Variants in AGMO observed in about 807,000 individuals in gnomAD.
AGMO encodes the protein alkylglycerol monooxygenase, also known as glyceryl-ether monooxygenase.
Under a neutral mutation model 60.2 loss-of-function variants are expected in AGMO, and 75 were observed. The ratio of observed to expected loss-of-function variants is 1.25; its 90% CI spans 1.03 to 1.51. The LOEUF (loss-of-function observed/expected upper bound fraction) is 1.51. Among genes scored for constraint, AGMO ranks in the 40% most tolerant of loss-of-function variants. The probability of loss-of-function intolerance (pLI) is 0.00; values close to 1 mark genes in which losing one functional copy is unlikely to be tolerated. For synonymous variants in AGMO, 261 were observed against 177.1 expected (o/e 1.47, Z -3.76); for missense variants, 763 against 525.5 (o/e 1.45, Z -4.42).
chr7:15,549,393 C>A (rs1448016627), intron 2 of AGMO, among the ~76,000 whole-genome samples: 1 of 152,048 alleles, frequency 6.6e-6, no homozygotes, highest in East Asian at 1.9e-4. Flanking sequence ...AGAGTGAAGA[C>A]CCATCAGTGC....
intron 12 of AGMO, among the ~76,000 whole-genome samples, chr7:15,321,864 C>T (rs1347397849): frequency 1.3e-5 from 2 of 152,102 alleles, no homozygotes; most frequent in East Asian, 3.9e-4. Context: ...ACCTCCATAC[C>T]AGACTCACTC....
chr7:15,400,341 G>A lies in AGMO; in HGVS notation c.610-6162C>T, dbSNP rs943413355. ...GTCATAACTGGGAAAAGTGCTACTGGCATCTAGTGAGCAGTGGTGGGTTTA... is the reference window on the plus strand; with the variant it reads ...GTCATAACTGGGAAAAGTGCTACTGACATCTAGTGAGCAGTGGTGGGTTTA... On this transcript the variant is annotated intron_variant, in intron 5 of 12. Transcript: ENST00000342526. 2.0e-5 allele frequency among the ~76,000 whole-genome samples: 3 copies of A among 152,112 alleles called. No individual in the cohort carries two copies. The South Asian group carries it at 6.2e-4, about 32-fold the overall frequency.
chr7:15,396,571 T>G (rs1447282771), intron 5 of AGMO: 1 of 152,262 alleles, frequency 6.6e-6, no homozygotes. Context: ...GGACAACAGC[T>G]TGCCGCTCCT....
At chr7:15,464,407 T>C (rs1189707238) in intron 3 of AGMO, among the ~76,000 whole-genome samples, 1 of 152,224 alleles carries the variant, frequency 6.6e-6, no homozygotes, top group Non-Finnish European at 1.5e-5. Flanking sequence ...ATCTCCAGCA[T>C]GCTGCATGTG....
At chr7:15,473,125 C>A (rs551948660) in intron 3 of AGMO, among the ~76,000 whole-genome samples, 3 of 151,792 alleles carry the variant, frequency 2.0e-5, no homozygotes, top group Non-Finnish European at 4.4e-5. Context: ...AACACTTCTA[C>A]GCAAATAAAC....
chr7:15,415,292 C>T (rs1161504803), intron 5 of AGMO, among the ~76,000 whole-genome samples: 1 of 151,842 alleles, frequency 6.6e-6, no homozygotes, highest in Non-Finnish European at 1.5e-5. Flanking sequence ...CTCCTGTAAT[C>T]CCAGCACTTT....
At chr7:15,430,959 A>G in intron 4 of AGMO, 46 bp downstream of exon 4, 1 of 1,090,686 alleles carries the variant, frequency 9.2e-7, no homozygotes, top group East Asian at 2.7e-5. Context: ...GCTGAGACTT[A>G]AAAACAAATT....
intron 12 of AGMO, among the ~76,000 whole-genome samples, chr7:15,210,420 G>A (rs1055103381): frequency 6.6e-5 from 10 of 152,098 alleles, no homozygotes; most frequent in Non-Finnish European, 1.2e-4. Flanking sequence ...CAGATGGACA[G>A]AATTTCCTGG....
Position 15,561,921 on chromosome 7 carries a change from C to A in AGMO, c.-76G>T. Reference sequence around the variant, plus strand: ...GAAGCCTGAGGCTGAACAAAGAGGACGAGATGTGCAGCTCAGAACAAGCTC... The same window carrying A: ...GAAGCCTGAGGCTGAACAAAGAGGAAGAGATGTGCAGCTCAGAACAAGCTC... On this transcript the variant is annotated 5_prime_UTR_variant, in exon 1 of 13. Coordinates refer to ENST00000342526, the MANE Select transcript of AGMO (RefSeq NM_001004320.2). The A allele has an allele frequency of 5.5e-6, 8 of 1,465,446 alleles. No homozygotes were observed. The highest frequency in any genetic ancestry group is 6.4e-6 in the Non-Finnish European group (7 of 1,087,128). 90.8% of individuals were successfully genotyped at this position (1,465,446 alleles called of 1,614,324 possible). A position where few individuals can be genotyped will look rare whatever the true frequency, so the allele number is the denominator to read the frequency against.
In AGMO at chr7:15,321,276, G is replaced by A. The variant is rs187367215; in HGVS notation, c.1263+44238C>T. Among the ~76,000 whole-genome samples, 4 of 152,186 alleles carry A rather than the reference G, an allele frequency of 2.6e-5. No individual in the cohort carries two copies. The East Asian group carries it at 5.8e-4, about 22-fold the overall frequency. ...ATATAGATAGATTGTTGGACAAAGA[G>A]GGGCTGCCACAAACCCCAAACGGAT... On this transcript the variant is annotated intron_variant, in intron 12 of 12. Coordinates refer to ENST00000342526, the MANE Select transcript of AGMO (RefSeq NM_001004320.2).
chr7:15,434,841 C>A lies in AGMO; in HGVS notation c.410-3733G>T, dbSNP rs1781354362. Among the ~76,000 whole-genome samples the A allele has an allele frequency of 2.6e-5, 4 of 151,968 alleles. No individual in the cohort carries two copies. In the South Asian group the frequency reaches 8.3e-4, roughly 32 times the overall value. Reference sequence around the variant, plus strand: ...ACAAGCAATAGATAATTAATGCAGTCGTCAAAAATCCCTCACTCCCACCCC... The same window carrying A: ...ACAAGCAATAGATAATTAATGCAGTAGTCAAAAATCCCTCACTCCCACCCC... On this transcript the variant is annotated intron_variant, in intron 3 of 12. Transcript: ENST00000342526.
At chr7:15,380,423 TA>T (rs1583481725) in intron 10 of AGMO, among the ~76,000 whole-genome samples, 1 of 151,948 alleles carries the variant, frequency 6.6e-6, no homozygotes, top group East Asian at 1.9e-4. Context: ...GCCACAAGAA[TA>T]ATAAAATACC....
chr7:15,369,356 G>C (rs903270124), intron 10 of AGMO, among the ~76,000 whole-genome samples: 1 of 151,996 alleles, frequency 6.6e-6, no homozygotes, highest in Non-Finnish European at 1.5e-5. Flanking sequence ...TCAGAATAAA[G>C]CTCAAAGTCA....
chr7:15,344,950 T>C (rs1243587379), intron 12 of AGMO, among the ~76,000 whole-genome samples: 1 of 152,186 alleles, frequency 6.6e-6, no homozygotes, highest in Non-Finnish European at 1.5e-5. Flanking sequence ...TGAGAACAAT[T>C]ATCCTAAATC....
intron 12 of AGMO, among the ~76,000 whole-genome samples, chr7:15,209,711 A>T (rs1041043287): frequency 2.6e-5 from 4 of 152,138 alleles, no homozygotes; most frequent in African/African-American, 7.2e-5. Flanking sequence ...ACTGGACCCA[A>T]GGGTATACAG....
At chr7:15,408,762 T>C (rs150624731) in intron 5 of AGMO, among the ~76,000 whole-genome samples, 2 of 152,046 alleles carry the variant, frequency 1.3e-5, no homozygotes, top group Non-Finnish European at 2.9e-5. Context: ...ATAACCTCTG[T>C]ATAGTTGTTT....
chr7:15,196,709 G>C (rs1270997671), downstream of AGMO, among the ~76,000 whole-genome samples: 4 of 152,200 alleles, frequency 2.6e-5, no homozygotes, highest in African/African-American at 9.7e-5. Flanking sequence ...ATAAAGCAAA[G>C]ACTGTGTCTT....
chr7:15,269,969 T>A (rs1352448110), intron 12 of AGMO, among the ~76,000 whole-genome samples: 2 of 152,126 alleles, frequency 1.3e-5, no homozygotes, highest in African/African-American at 4.8e-5. Flanking sequence ...AAATTAGTAT[T>A]TCATGGTGTA....
chr7:15,189,077 A>C, the AGMO span, among the ~76,000 whole-genome samples: 7 of 152,202 alleles, frequency 4.6e-5, no homozygotes, highest in Admixed American at 6.6e-5. Flanking sequence ...AGCATTTTTA[A>C]AATATTTTGA....
Sources: gnomAD v4.1 joint callset for allele counts (sites outside exome capture counted in the v4.1 genomes callset) on GRCh38, gnomAD v4.1.1 for gene constraint, MANE v1.5 for transcripts, NCBI Gene and HGNC (gene_info 2026-07-23, HGNC 2026-07-21) for gene names.